The following BCAS3 variants were observed in gnomAD, a reference collection of about 807,000 sequenced individuals.
BCAS3 encodes the protein BCAS3 microtubule associated cell migration factor.
A neutral mutation model predicts 116.1 loss-of-function variants in BCAS3; 53 were observed. That is an observed-to-expected ratio of 0.46 (90% confidence interval 0.37 to 0.57). BCAS3 has a LOEUF of 0.57. BCAS3 is among the 20% of genes least tolerant of loss of function. The probability of loss-of-function intolerance (pLI) is 0.00; values close to 1 mark genes in which losing one functional copy is unlikely to be tolerated. For synonymous variants in BCAS3, 391 were observed against 408.2 expected, an observed-to-expected ratio of 0.96 and a Z score of 0.51; for missense variants, 917 against 1,165.4, an observed-to-expected ratio of 0.79 and a Z score of 3.10.
Position 61,276,998 on chromosome 17 carries a change from C to G in BCAS3, c.2426-91329C>G, listed in dbSNP as rs114779585. 6.6e-6 allele frequency among the ~76,000 whole-genome samples: 1 copy of G among 152,014 alleles called. No individual in the cohort carries two copies. The highest frequency in any genetic ancestry group is 1.5e-5 in the Non-Finnish European group (1 of 68,010). ...AAGTGGTAGGCTGGGCATGGTGGCT[C>G]ATGCCTGTAATCACAATGCTTTGGG... On this transcript the variant is annotated intron_variant, in intron 22 of 23. Transcript: ENST00000407086. This position sits in a 1 kb window ranked among gnomAD's most constrained non-coding sequence, Gnocchi z 4.2.
chr17:61,176,810 C>T (rs925420193), intron 22 of BCAS3, among the ~76,000 whole-genome samples: 8 of 152,182 alleles, frequency 5.3e-5, no homozygotes, highest in African/African-American at 1.9e-4. Context: ...ATCCTCCTGC[C>T]TCAGCCTCCC....
At chr17:60,909,322 A>G (rs2058362544) in intron 11 of BCAS3, among the ~76,000 whole-genome samples, 2 of 152,170 alleles carry the variant, frequency 1.3e-5, no homozygotes, top group Non-Finnish European at 2.9e-5. Context: ...TTTGTGTACT[A>G]TTTATGAATT....
intron 22 of BCAS3, among the ~76,000 whole-genome samples, chr17:61,108,737 T>C (rs2074847623): frequency 6.6e-6 from 1 of 152,010 alleles, no homozygotes; most frequent in Admixed American, 6.5e-5. Context: ...GTATCCAATG[T>C]GTCATATTTT....
At chr17:61,157,235 C>T (rs1601626640) in intron 22 of BCAS3, among the ~76,000 whole-genome samples, 1 of 152,100 alleles carries the variant, frequency 6.6e-6, no homozygotes, top group Admixed American at 6.5e-5. Flanking sequence ...TTTGGCTCTC[C>T]CTTGAGACTC....
chr17:61,138,537 G>A (rs981789323), intron 22 of BCAS3, among the ~76,000 whole-genome samples: 1 of 152,106 alleles, frequency 6.6e-6, no homozygotes. Flanking sequence ...ACATCTTTTT[G>A]TAAGCAATTT....
intron 5 of BCAS3, among the ~76,000 whole-genome samples, chr17:60,739,216 G>A (rs935223345): frequency 1.3e-5 from 2 of 151,982 alleles, no homozygotes; most frequent in Admixed American, 6.6e-5. Flanking sequence ...ATGCATAAGT[G>A]CATATATATA....
Position 61,034,738 on chromosome 17 carries a change from C to T in BCAS3, c.1710C>T (p.Phe570=), listed in dbSNP as rs760014596. The T allele has an allele frequency of 8.1e-6, 13 of 1,612,750 alleles. No individual in the cohort carries two copies. The highest frequency in any genetic ancestry group is 2.7e-5 in the African/African-American group (2 of 74,794). ...GAGAATTTTGTGTGGCTGCTATCTT[C>T]GGAACATCCAGGTCATGGTTTGCAA... is the stretch of plus-strand genomic sequence containing the variant. ...MGGEFCVAAI[F]GTSRSWFANN... is the part of the protein sequence containing the mutation. The change falls in exon 17 of 24, where the codon TTC becomes TTT. Residue 570 remains phenylalanine, a synonymous_variant. Coordinates refer to ENST00000407086, the MANE Select transcript of BCAS3 (RefSeq NM_017679.5). The surrounding 1 kb of genome is among the most constrained non-coding windows in gnomAD (Gnocchi z 5.0).
At position 61,146,764 on chromosome 17, in the gene BCAS3, T is replaced by C. The variant is rs967014136; in HGVS notation, c.2425+62200T>C. ...ATCCATTCAGAATGTATGACTTTGCTGAATTGAGGTTGATCTTTAAGTGTG... is the reference window on the plus strand; with the variant it reads ...ATCCATTCAGAATGTATGACTTTGCCGAATTGAGGTTGATCTTTAAGTGTG... On this transcript the variant is annotated intron_variant, in intron 22 of 23. Coordinates refer to ENST00000407086, the MANE Select transcript of BCAS3 (RefSeq NM_017679.5). Among the ~76,000 whole-genome samples, 43 of 152,210 alleles carry C rather than the reference T, an allele frequency of 2.8e-4. 1 individual carries two copies. Among genetic ancestry groups the C allele is most frequent in the Non-Finnish European group, 7.3e-5 (5 of 68,042 alleles).
At chr17:61,317,624 TG>T (rs2054857715) in intron 22 of BCAS3, among the ~76,000 whole-genome samples, 1 of 152,200 alleles carries the variant, frequency 6.6e-6, no homozygotes, top group Non-Finnish European at 1.5e-5. Context: ...CAGGGGCAAC[TG>T]GCAGTGAGGC....
chr17:61,217,586 A>G lies in BCAS3; in HGVS notation c.2425+133022A>G, dbSNP rs1472912063. ...CCTCCCCTCATGGTTATTTGGAGCTATTAAAGGAGTGGGCAAATAAATGAA... is the reference window on the plus strand; with the variant it reads ...CCTCCCCTCATGGTTATTTGGAGCTGTTAAAGGAGTGGGCAAATAAATGAA... On this transcript the variant is annotated intron_variant, in intron 22 of 23. Coordinates refer to ENST00000407086, the MANE Select transcript of BCAS3 (RefSeq NM_017679.5). This position sits in a 1 kb window ranked among gnomAD's most constrained non-coding sequence, Gnocchi z 5.2. Among the ~76,000 whole-genome samples the G allele has an allele frequency of 6.6e-6, 1 of 152,184 alleles. No individual in the cohort carries two copies. The highest frequency in any genetic ancestry group is 1.5e-5 in the Non-Finnish European group (1 of 68,030).
Position 61,042,891 on chromosome 17 carries a change from C to CAAAAAAAAAAAAAAA in BCAS3, c.2029+2009_2029+2023dup, listed in dbSNP as rs35629825. On this transcript the variant is annotated intron_variant, in intron 19 of 23. Coordinates refer to ENST00000407086, the MANE Select transcript of BCAS3 (RefSeq NM_017679.5). The stretch of plus-strand genomic sequence containing the variant: ...GGCAACAGAGCAAGACTCCATCTCA[C>CAAAAAAAAAAAAAAA]AAAAAAAAAAAAAAAAAAAAAAAAG... 1.6e-3 allele frequency among the ~76,000 whole-genome samples: 95 copies of CAAAAAAAAAAAAAAA among 58,278 alleles called. 5 individuals are homozygous for CAAAAAAAAAAAAAAA. Among genetic ancestry groups the CAAAAAAAAAAAAAAA allele is most frequent in the African/African-American group, 4.5e-3 (81 of 18,108 alleles). The allele number at this position is 58,278 out of a possible 152,430, so 38.2% of individuals were successfully genotyped here. A position where few individuals can be genotyped will look rare whatever the true frequency, so the allele number is the denominator to read the frequency against.
chr17:60,750,980 A>G (rs1220496506), intron 6 of BCAS3, among the ~76,000 whole-genome samples: 5 of 152,318 alleles, frequency 3.3e-5, no homozygotes, highest in Non-Finnish European at 2.9e-5. Flanking sequence ...TGCTTTATAC[A>G]AGGTATTAAT....
intron 9 of BCAS3, among the ~76,000 whole-genome samples, chr17:60,881,534 C>A (rs1599393945): frequency 1.3e-5 from 2 of 151,178 alleles, no homozygotes; most frequent in Non-Finnish European, 2.9e-5. Flanking sequence ...TGGTGCGCTG[C>A]ACCCACTAAC....
In BCAS3 at chr17:61,346,800, A is replaced by T. The variant is rs1038462758; in HGVS notation, c.2426-21527A>T. The stretch of plus-strand genomic sequence containing the variant: ...CACAGTCTCATCTACGCTGTGTTAG[A>T]GGGTTAGCATGTGCTGTGGGGATGT... On this transcript the variant is annotated intron_variant, in intron 22 of 23. Coordinates refer to ENST00000407086, the MANE Select transcript of BCAS3 (RefSeq NM_017679.5). The surrounding 1 kb of genome is among the most constrained non-coding windows in gnomAD (Gnocchi z 5.4). 5.9e-5 allele frequency among the ~76,000 whole-genome samples: 9 copies of T among 152,188 alleles called. No homozygotes were observed. Among genetic ancestry groups the T allele is most frequent in the African/African-American group, 2.2e-4 (9 of 41,454 alleles).
At chr17:60,740,421 C>T (rs560727651) in intron 5 of BCAS3, among the ~76,000 whole-genome samples, 2 of 149,942 alleles carry the variant, frequency 1.3e-5, no homozygotes, top group East Asian at 3.9e-4. Context: ...TCACTTGAGC[C>T]CAGGGGGGCC....
At chr17:61,047,904 G>T (rs1213649728) in intron 19 of BCAS3, among the ~76,000 whole-genome samples, 1 of 151,910 alleles carries the variant, frequency 6.6e-6, no homozygotes, top group Non-Finnish European at 1.5e-5. Flanking sequence ...TGGCAGAGTG[G>T]GTTTCAGAGT....
intron 19 of BCAS3, among the ~76,000 whole-genome samples, chr17:61,060,415 G>A (rs141459184): frequency 0.013 from 1,972 of 152,002 alleles, 24 homozygotes; most frequent in Non-Finnish European, 0.02. Context: ...GATTACAGGC[G>A]CGAGCCACTG....
rs2081989353 is a variant in BCAS3 at position 61,219,497 on chromosome 17, G to A, written c.2425+134933G>A. ...TTATGAAATTTTGATGTAGAAATTA[G>A]ATTGTTGCTTATCTTGTACCTTCTT... On this transcript the variant is annotated intron_variant, in intron 22 of 23. Transcript: ENST00000407086. The surrounding 1 kb of genome is among the most constrained non-coding windows in gnomAD (Gnocchi z 5.2). Among the ~76,000 whole-genome samples the A allele has an allele frequency of 6.6e-6, 1 of 152,210 alleles. No individual in the cohort carries two copies. Among genetic ancestry groups the A allele is most frequent in the South Asian group, 2.1e-4 (1 of 4,832 alleles).
In BCAS3 at chr17:61,332,483, A is replaced by G. The variant is rs2056372031; in HGVS notation, c.2426-35844A>G. 6.6e-6 allele frequency among the ~76,000 whole-genome samples: 1 copy of G among 152,182 alleles called. No homozygotes were observed. Among genetic ancestry groups the G allele is most frequent in the Non-Finnish European group, 1.5e-5 (1 of 68,030 alleles). On this transcript the variant is annotated intron_variant, in intron 22 of 23. Transcript: ENST00000407086. The surrounding 1 kb of genome is among the most constrained non-coding windows in gnomAD (Gnocchi z 5.4). ...TATGGCTCCATATTGAAAGGAGGGA[A>G]ACAATTTGACAGCAAGAAAAGAATC...
Sources: allele counts gnomAD v4.1 joint callset (sites outside exome capture counted in the v4.1 genomes callset), GRCh38; gene constraint gnomAD v4.1.1; non-coding constraint Gnocchi (gnomAD v3.1); transcripts MANE v1.5; gene names NCBI Gene and HGNC (gene_info 2026-07-23, HGNC 2026-07-21).